Variants in RBFOX1 observed in about 807,000 individuals in gnomAD.
The protein encoded by RBFOX1 is RNA binding protein fox-1 homolog 1.
A neutral mutation model predicts 57.7 loss-of-function variants in RBFOX1; 8 were observed. The observed-to-expected ratio is 0.14, with a 90% CI of 0.08 to 0.25. The LOEUF (loss-of-function observed/expected upper bound fraction) is 0.25, where lower values mean the gene tolerates loss of function less well. RBFOX1 is among the 10% of genes least tolerant of loss of function. The pLI is 1.00. For synonymous variants in RBFOX1, 326 were observed against 222.4 expected, an observed-to-expected ratio of 1.47 and a Z score of -4.15; for missense variants, 611 against 548.5, an observed-to-expected ratio of 1.11 and a Z score of -1.14.
At chr16:6,588,564 A>T (rs1190178728) in intron 2 of RBFOX1, among the ~76,000 whole-genome samples, 1 of 152,094 alleles carries the variant, frequency 6.6e-6, no homozygotes, top group Non-Finnish European at 1.5e-5. Flanking sequence ...AGGCTGGAGA[A>T]TCGCTTGAAT....
At chr16:7,350,729 C>G (rs1047965899) in intron 4 of RBFOX1, among the ~76,000 whole-genome samples, 6 of 152,126 alleles carry the variant, frequency 3.9e-5, no homozygotes, top group African/African-American at 1.4e-4. Flanking sequence ...CCGGAGAATT[C>G]TGCCCTAAAA....
At chr16:7,073,880 A>G (rs773259914) in intron 4 of RBFOX1, among the ~76,000 whole-genome samples, 1 of 150,154 alleles carries the variant, frequency 6.7e-6, no homozygotes, top group Admixed American at 6.8e-5. Flanking sequence ...ATAAATAAAT[A>G]CTAGATGTGT....
At chr16:5,540,970 G>A (rs529270794) in intron 2 of RBFOX1, among the ~76,000 whole-genome samples, 78 of 152,118 alleles carry the variant, frequency 5.1e-4, no homozygotes, top group African/African-American at 1.8e-3. Context: ...CTGCCTCAGC[G>A]TCCTGAGTAG....
At chr16:5,639,559 G>A (rs1596545231) in intron 3 of RBFOX1, among the ~76,000 whole-genome samples, 2 of 152,294 alleles carry the variant, frequency 1.3e-5, no homozygotes, top group East Asian at 1.9e-4. Flanking sequence ...GGAGCAAGAA[G>A]TGTGTTTGCC....
chr16:6,927,800 C>A (rs1035150660), intron 3 of RBFOX1, among the ~76,000 whole-genome samples: 27 of 152,074 alleles, frequency 1.8e-4, no homozygotes, highest in African/African-American at 6.5e-4. Context: ...AAGCCACCAC[C>A]CTAAAGAGCC....
At chr16:5,477,571 A>G (rs1197166541) in intron 2 of RBFOX1, among the ~76,000 whole-genome samples, 1 of 152,174 alleles carries the variant, frequency 6.6e-6, no homozygotes, top group Non-Finnish European at 1.5e-5. Flanking sequence ...CTGAGTTGGC[A>G]TGGGACAACT....
At chr16:5,502,647 G>A (rs1006634480) in intron 2 of RBFOX1, among the ~76,000 whole-genome samples, 1 of 152,212 alleles carries the variant, frequency 6.6e-6, no homozygotes, top group South Asian at 2.1e-4. Flanking sequence ...TATCTCTGCA[G>A]TGGTTAGGCT....
At chr16:5,643,529 A>C (rs1341950715) in intron 3 of RBFOX1, among the ~76,000 whole-genome samples, 1 of 152,170 alleles carries the variant, frequency 6.6e-6, no homozygotes, top group East Asian at 1.9e-4. Context: ...GAAAATCCAG[A>C]TGTGTACCCC....
chr16:6,445,565 T>G (rs1413834349), intron 2 of RBFOX1, among the ~76,000 whole-genome samples: 1 of 36,884 alleles, frequency 2.7e-5, no homozygotes, highest in Non-Finnish European at 5.6e-5. Flanking sequence ...GAACTCCTTT[T>G]TTTTTTTTTT....
At chr16:7,591,176 G>A (rs193302523) in intron 7 of RBFOX1, among the ~76,000 whole-genome samples, 1 of 152,260 alleles carries the variant, frequency 6.6e-6, no homozygotes, top group East Asian at 1.9e-4. Flanking sequence ...AGGGGAAAGA[G>A]GGATGTGTCT....
intron 3 of RBFOX1, among the ~76,000 whole-genome samples, chr16:6,657,778 T>A (rs2154094117): frequency 6.6e-6 from 1 of 152,302 alleles, no homozygotes; most frequent in Non-Finnish European, 1.5e-5. Flanking sequence ...TTTTTACGAC[T>A]GTTGAGAGCT....
rs548526776 is a variant in RBFOX1 at position 6,750,532 on chromosome 16, T to C, written c.-16+95882T>C. On this transcript the variant is annotated intron_variant, in intron 3 of 15. Transcript: ENST00000550418. ...GCTGTTAACAGCAGTTTATCAGAGA[T>C]AGAAGAATGTTAAAATAAACTGGTG... Among the ~76,000 whole-genome samples, 6 of 152,338 alleles carry C rather than the reference T, an allele frequency of 3.9e-5. No individual in the cohort carries two copies. The South Asian group carries it at 8.3e-4, about 21-fold the overall frequency.
intron 3 of RBFOX1, among the ~76,000 whole-genome samples, chr16:5,653,865 C>G (rs544629586): frequency 1.3e-5 from 2 of 152,290 alleles, no homozygotes; most frequent in African/African-American, 4.8e-5. Context: ...CAGCCAAGAC[C>G]AGTGGGCAGG....
At chr16:5,700,709 G>A (rs2051017656) in intron 3 of RBFOX1, among the ~76,000 whole-genome samples, 1 of 152,150 alleles carries the variant, frequency 6.6e-6, no homozygotes, top group African/African-American at 2.4e-5. Context: ...CCAATTAGAT[G>A]CATGTTAGAG....
rs534109039 is a variant in RBFOX1 at position 7,075,585 on chromosome 16, T to TA, written c.27+23487_27+23488insA. Among the ~76,000 whole-genome samples the TA allele has an allele frequency of 5.4e-3, 825 of 152,192 alleles. 8 individuals are homozygous for TA. Among genetic ancestry groups the TA allele is most frequent in the African/African-American group, 0.019 (775 of 41,518 alleles). On this transcript the variant is annotated intron_variant, in intron 4 of 15. Transcript: ENST00000550418. ...TTTATTTTTTCTTTTTTTTATTTAT[T>TA]TTTCTTTTTTTATGAGACGGAGTCT...
At chr16:6,312,674 T>A (rs1279777104) in intron 1 of RBFOX1, among the ~76,000 whole-genome samples, 1 of 133,532 alleles carries the variant, frequency 7.5e-6, no homozygotes, top group East Asian at 2.0e-4. Flanking sequence ...CCTTCCTTCC[T>A]TCCTTCCTTC....
At chr16:6,842,164 A>C (rs1012541200) in intron 3 of RBFOX1, among the ~76,000 whole-genome samples, 1 of 106,290 alleles carries the variant, frequency 9.4e-6, no homozygotes, top group African/African-American at 3.3e-5. Flanking sequence ...AAAAATAAAT[A>C]AATAAATAAA....
intron 4 of RBFOX1, among the ~76,000 whole-genome samples, chr16:7,513,437 T>C (rs1306600015): frequency 6.6e-6 from 1 of 152,142 alleles, no homozygotes; most frequent in East Asian, 1.9e-4. Context: ...TGCAGCATCT[T>C]TGATGACAAG....
intron 3 of RBFOX1, among the ~76,000 whole-genome samples, chr16:6,894,971 CAGAACTAACAG>C (rs751523100): frequency 1.6e-4 from 24 of 152,098 alleles, no homozygotes; most frequent in Non-Finnish European, 2.6e-4. Context: ...TACACCCTTC[CAGAACTAACAG>C]AGACTCTGAA....
Sources: allele counts gnomAD v4.1 joint callset (sites outside exome capture counted in the v4.1 genomes callset), GRCh38; gene constraint gnomAD v4.1.1; transcripts MANE v1.5; gene names NCBI Gene and HGNC (gene_info 2026-07-23, HGNC 2026-07-21).